MAST4: variants seen among roughly 807,000 people sequenced by gnomAD.
MAST4 encodes the protein microtubule-associated serine/threonine-protein kinase 4.
A neutral mutation model predicts 162.7 loss-of-function variants in MAST4; 89 were observed. That is an observed-to-expected ratio of 0.55 (90% CI 0.46 to 0.65). The LOEUF (loss-of-function observed/expected upper bound fraction) is 0.65. Among genes scored for constraint, MAST4 ranks in the 30% least tolerant of loss-of-function variants. MAST4 has a pLI of 0.00. For synonymous variants in MAST4, 1,479 were observed against 1,361.1 expected (o/e 1.09, Z -1.91); for missense variants, 3,153 against 3,374.0 (o/e 0.93, Z 1.62).
chr5:66,846,462 G>T (rs1255032094), intron 3 of MAST4, among the ~76,000 whole-genome samples: 3 of 152,184 alleles, frequency 2.0e-5, no homozygotes, highest in Non-Finnish European at 4.4e-5. Flanking sequence ...TTTTATCCAT[G>T]AGAGGCAGGA....
chr5:66,620,490 A>G (rs1332101137), intron 1 of MAST4, among the ~76,000 whole-genome samples: 4 of 152,130 alleles, frequency 2.6e-5, no homozygotes, highest in African/African-American at 9.7e-5. Flanking sequence ...ATGGCATTGA[A>G]CCCTAACTGA....
At chr5:67,063,125 G>A (rs868327669) in intron 5 of MAST4, among the ~76,000 whole-genome samples, 1 of 151,838 alleles carries the variant, frequency 6.6e-6, no homozygotes, top group Non-Finnish European at 1.5e-5. Flanking sequence ...TCTGCATTAC[G>A]GAGAATACCA....
At chr5:66,782,268 G>T (rs1309051081) in intron 2 of MAST4, among the ~76,000 whole-genome samples, 3 of 145,498 alleles carry the variant, frequency 2.1e-5, no homozygotes, top group African/African-American at 7.5e-5. Context: ...CAGCCTGGGG[G>T]ACAAGAGCGA....
At chr5:66,825,011 A>G (rs537863563) in intron 3 of MAST4, among the ~76,000 whole-genome samples, 1 of 152,326 alleles carries the variant, frequency 6.6e-6, no homozygotes, top group South Asian at 2.1e-4. Flanking sequence ...GACTTTACAA[A>G]TAATGTACAC....
At chr5:66,842,330 A>G (rs1295950524) in intron 3 of MAST4, among the ~76,000 whole-genome samples, 1 of 152,162 alleles carries the variant, frequency 6.6e-6, no homozygotes, top group Non-Finnish European at 1.5e-5. Context: ...GGCATCTAAA[A>G]TGCTTTTGTT....
Position 67,163,729 on chromosome 5 carries a change from A to C in MAST4, c.4550A>C (p.Lys1517Thr), listed in dbSNP as rs745789689. Residue 1517 changes from lysine (K) to threonine (T), a missense_variant, in exon 29 of 29, where the codon AAG becomes ACG. Transcript: ENST00000403625. The surrounding 1 kb of genome is among the most constrained non-coding windows in gnomAD (Gnocchi z 7.0). ...TGCCTGAAACGCCCAGTCTCCCGGA[A>C]GGTGGGCCGCCAGGAGTCTGTGGAC... ...QGCLKRPVSR[K>T]VGRQESVDDL... 3 of 1,608,996 alleles carry C rather than the reference A, an allele frequency of 1.9e-6. No homozygotes were observed. In the African/African-American group the frequency reaches 4.0e-5, roughly 21 times the overall value.
At chr5:66,673,800 T>G (rs1747781995) in intron 1 of MAST4, among the ~76,000 whole-genome samples, 2 of 152,218 alleles carry the variant, frequency 1.3e-5, no homozygotes, top group African/African-American at 4.8e-5. Context: ...GGCTAGATTT[T>G]TTTTGAAAGA....
chr5:66,913,717 A>G (rs1276209913), intron 4 of MAST4, among the ~76,000 whole-genome samples: 2 of 152,212 alleles, frequency 1.3e-5, no homozygotes, highest in African/African-American at 4.8e-5. Context: ...TCCCTAATCC[A>G]AAGTCACAAA....
In MAST4 at chr5:67,153,618, C is replaced by T. The variant is rs368961778; in HGVS notation, c.3648+38C>T. The T allele has an allele frequency of 5.2e-6, 8 of 1,532,500 alleles. No homozygotes were observed. In the African/African-American group the frequency reaches 1.1e-4, roughly 21 times the overall value. 94.9% of individuals were successfully genotyped at this position (1,532,500 alleles called of 1,614,324 possible). ...TTATGTCAGGGCCATGCTGATGAGACAGGCAGCCCAAAGGGGCTAGTACCA... is the reference window on the plus strand; with the variant it reads ...TTATGTCAGGGCCATGCTGATGAGATAGGCAGCCCAAAGGGGCTAGTACCA... On this transcript the variant is annotated intron_variant, in intron 26 of 28. Coordinates refer to ENST00000403625, the MANE Select transcript of MAST4 (RefSeq NM_001164664.2).
chr5:67,100,555 A>G lies in MAST4; in HGVS notation c.1033A>G (p.Arg345Gly). 6.2e-7 allele frequency: 1 copy of G among 1,613,950 alleles called. No homozygotes were observed. Reference protein sequence around the residue: ...TESIATENRCRNTPMRPRSRS... With the variant: ...TESIATENRCGNTPMRPRSRS... ...AAGCATCGCCACTGAGAACAGATGC[A>G]GGAACACGCCGATGCGCCCCCGTTC... Residue 345 changes from arginine to glycine, a missense_variant, in exon 8 of 29, where the codon AGG becomes GGG. Transcript: ENST00000403625.
intron 15 of MAST4, 27 bp downstream of exon 15, chr5:67,130,445 T>G: frequency 7.5e-6 from 12 of 1,606,584 alleles, no homozygotes; most frequent in Non-Finnish European, 9.4e-6. Flanking sequence ...ACATGACACC[T>G]GTACCCAGGA....
At chr5:67,030,073 G>A (rs1755119344) in intron 4 of MAST4, among the ~76,000 whole-genome samples, 1 of 152,010 alleles carries the variant, frequency 6.6e-6, no homozygotes, top group Non-Finnish European at 1.5e-5. Context: ...TCCTTGTTAA[G>A]TGTTATATAT....
At chr5:66,695,343 CTG>C (rs1364291196) in intron 1 of MAST4, among the ~76,000 whole-genome samples, 1 of 152,082 alleles carries the variant, frequency 6.6e-6, no homozygotes, top group Non-Finnish European at 1.5e-5. Flanking sequence ...GGTCTTGTTT[CTG>C]AGACCTCTAT....
chr5:66,672,765 T>C (rs1747688196), intron 1 of MAST4, among the ~76,000 whole-genome samples: 1 of 152,226 alleles, frequency 6.6e-6, no homozygotes, highest in Admixed American at 6.5e-5. Context: ...TGTTGCCTTC[T>C]GGACCCGAGT....
rs189744767 is a variant in MAST4 at position 66,863,128 on chromosome 5, A to G, written c.643-36823A>G. On this transcript the variant is annotated intron_variant, in intron 3 of 28. Coordinates refer to ENST00000403625, the MANE Select transcript of MAST4 (RefSeq NM_001164664.2). ...GAGACTGCAGACCTACAAAAATTAC[A>G]GTAATGTGAAACCTTGACAAAAGAA... is the stretch of plus-strand genomic sequence containing the variant. 9.2e-5 allele frequency among the ~76,000 whole-genome samples: 14 copies of G among 152,356 alleles called. No homozygotes were observed. In the East Asian group the frequency reaches 2.7e-3, roughly 29 times the overall value.
chr5:66,916,989 T>G (rs1313111245), intron 4 of MAST4: 1 of 718,154 alleles, frequency 1.4e-6, no homozygotes, highest in South Asian at 1.5e-5. Context: ...ATAGGATAGA[T>G]TCCCAGAAGT....
intron 4 of MAST4, among the ~76,000 whole-genome samples, chr5:67,045,268 T>G (rs970587639): frequency 1.1e-4 from 17 of 152,220 alleles, no homozygotes; most frequent in African/African-American, 4.1e-4. Flanking sequence ...GTTGTAAGCT[T>G]CGTGTACAAT....
chr5:66,894,855 A>G lies in MAST4; in HGVS notation c.643-5096A>G, dbSNP rs180997370. 1.4e-3 allele frequency among the ~76,000 whole-genome samples: 220 copies of G among 152,218 alleles called. 1 individual carries two copies. The highest frequency in any genetic ancestry group is 1.7e-3 in the South Asian group (8 of 4,810). On this transcript the variant is annotated intron_variant, in intron 3 of 28. Coordinates refer to ENST00000403625, the MANE Select transcript of MAST4 (RefSeq NM_001164664.2). The stretch of plus-strand genomic sequence containing the variant: ...GGTAGACTTGGCCCTACCTCCCACT[A>G]TACTAGTGAGGGAGCCAATATTCCT...
intron 26 of MAST4, among the ~76,000 whole-genome samples, chr5:67,155,998 G>A (rs1303570232): frequency 1.3e-5 from 2 of 151,490 alleles, no homozygotes; most frequent in Admixed American, 1.3e-4. Context: ...GGCGGAGGTT[G>A]CAGTGGGCCA....
Sources: allele counts gnomAD v4.1 joint callset (sites outside exome capture counted in the v4.1 genomes callset), GRCh38; gene constraint gnomAD v4.1.1; non-coding constraint Gnocchi (gnomAD v3.1); transcripts MANE v1.5; gene names NCBI Gene and HGNC (gene_info 2026-07-23, HGNC 2026-07-21).